The following DLGAP1 variants were observed in gnomAD, a reference collection of about 807,000 sequenced individuals.
The protein encoded by DLGAP1 is disks large-associated protein 1.
A neutral mutation model predicts 90.8 loss-of-function variants in DLGAP1; 11 were observed. The ratio of observed to expected loss-of-function variants is 0.12; its 90% CI spans 0.08 to 0.20. The LOEUF (loss-of-function observed/expected upper bound fraction) is 0.20. Among genes scored for constraint, DLGAP1 ranks in the 10% least tolerant of loss-of-function variants. The pLI, the probability that DLGAP1 is intolerant of heterozygous loss-of-function variation, is 1.00. For synonymous variants in DLGAP1, 558 were observed against 540.7 expected (o/e 1.03, Z -0.44); for missense variants, 1,050 against 1,333.8 (o/e 0.79, Z 3.31).
chr18:4,033,003 A>G (rs1190406484), intron 2 of DLGAP1, among the ~76,000 whole-genome samples: 1 of 152,212 alleles, frequency 6.6e-6, no homozygotes, highest in Non-Finnish European at 1.5e-5. Flanking sequence ...GAATATGAAT[A>G]TTGGATCAGA....
intron 7 of DLGAP1, among the ~76,000 whole-genome samples, chr18:3,589,668 C>T (rs1054956337): frequency 6.6e-6 from 1 of 152,090 alleles, no homozygotes; most frequent in African/African-American, 2.4e-5. Flanking sequence ...TTATTAAGTG[C>T]AGCTATTATC....
At chr18:4,357,715 C>T (rs947382895) in intron 1 of DLGAP1, among the ~76,000 whole-genome samples, 3 of 152,224 alleles carry the variant, frequency 2.0e-5, no homozygotes, top group Admixed American at 1.3e-4. Flanking sequence ...CAGCTGACAC[C>T]GTCTCACTGC....
chr18:4,308,714 A>G (rs1218949628), intron 1 of DLGAP1, among the ~76,000 whole-genome samples: 1 of 152,232 alleles, frequency 6.6e-6, no homozygotes, highest in Admixed American at 6.5e-5. Flanking sequence ...CAAGTAGGAA[A>G]GGGGAAGAAA....
intron 3 of DLGAP1, among the ~76,000 whole-genome samples, chr18:3,924,876 G>A (rs2072346320): frequency 6.6e-6 from 1 of 152,122 alleles, no homozygotes; most frequent in Non-Finnish European, 1.5e-5. Flanking sequence ...ATCTGTTCTT[G>A]AGTTGTAGAT....
At chr18:4,136,119 C>T (rs913312600) in intron 2 of DLGAP1, among the ~76,000 whole-genome samples, 2 of 151,802 alleles carry the variant, frequency 1.3e-5, no homozygotes, top group Non-Finnish European at 2.9e-5. Flanking sequence ...ATGCGACATA[C>T]CACATTTTCT....
intron 2 of DLGAP1, among the ~76,000 whole-genome samples, chr18:4,051,387 G>A (rs10853310): frequency 0.61 from 92,554 of 152,126 alleles, 29,330 homozygotes; most frequent in East Asian, 0.76. Flanking sequence ...GGCAGAAGGG[G>A]AAGCAAGCAT....
intron 1 of DLGAP1, among the ~76,000 whole-genome samples, chr18:4,212,062 A>C (rs1281132263): frequency 2.0e-5 from 3 of 152,166 alleles, no homozygotes; most frequent in Non-Finnish European, 4.4e-5. Flanking sequence ...CTTTTTGCAG[A>C]AACAGGTATT....
intron 1 of DLGAP1, among the ~76,000 whole-genome samples, chr18:4,223,684 C>G (rs1022867574): frequency 2.6e-5 from 4 of 152,176 alleles, no homozygotes; most frequent in Admixed American, 1.3e-4. Context: ...GAATGCTACT[C>G]TAAATGTTTA....
At chr18:4,032,342 A>G (rs911294381) in intron 2 of DLGAP1, among the ~76,000 whole-genome samples, 2 of 152,196 alleles carry the variant, frequency 1.3e-5, no homozygotes, top group Admixed American at 6.5e-5. Flanking sequence ...ACCTATTGAT[A>G]TTGTGAGAAA....
chr18:4,399,594 T>G (rs971713571), intron 1 of DLGAP1, among the ~76,000 whole-genome samples: 1 of 152,212 alleles, frequency 6.6e-6, no homozygotes, highest in African/African-American at 2.4e-5. Context: ...TTCTCCATCT[T>G]TCCTCAGAAA....
intron 1 of DLGAP1, among the ~76,000 whole-genome samples, chr18:4,358,720 G>T (rs2081574177): frequency 6.6e-6 from 1 of 152,224 alleles, no homozygotes; most frequent in South Asian, 2.1e-4. Flanking sequence ...CCTCTTGCCT[G>T]CAGAGAGCAG....
chr18:4,450,095 T>G (rs2083782187), intron 1 of DLGAP1, among the ~76,000 whole-genome samples: 1 of 152,220 alleles, frequency 6.6e-6, no homozygotes, highest in South Asian at 2.1e-4. Context: ...GCCTTGTCTT[T>G]TTGCTAGTAT....
chr18:3,995,623 C>T (rs191018984), intron 3 of DLGAP1: 17 of 152,010 alleles, frequency 1.1e-4, no homozygotes, highest in Admixed American at 9.2e-4. Flanking sequence ...ATTTATCGCA[C>T]CAGCTGTTGG....
chr18:3,741,542 ACAT>A (rs924433267), intron 6 of DLGAP1, among the ~76,000 whole-genome samples: 1 of 146,634 alleles, frequency 6.8e-6, no homozygotes, highest in African/African-American at 2.5e-5. Flanking sequence ...ACCATCACCA[ACAT>A]CACCACCATC....
chr18:4,337,988 C>T (rs1459252867), intron 1 of DLGAP1, among the ~76,000 whole-genome samples: 3 of 152,146 alleles, frequency 2.0e-5, no homozygotes, highest in African/African-American at 4.8e-5. Flanking sequence ...TGAAACACCA[C>T]ATATTTTAAA....
chr18:3,756,324 C>T (rs1317227386), intron 5 of DLGAP1, among the ~76,000 whole-genome samples: 2 of 152,092 alleles, frequency 1.3e-5, no homozygotes, highest in Non-Finnish European at 2.9e-5. Flanking sequence ...GCTGGGATTA[C>T]AGGTGTGAGC....
intron 1 of DLGAP1, among the ~76,000 whole-genome samples, chr18:4,282,721 C>A (rs530471674): frequency 1.3e-5 from 2 of 152,276 alleles, no homozygotes; most frequent in African/African-American, 2.4e-5. Context: ...ATAGAAGTAA[C>A]CTTTTCTGTG....
intron 1 of DLGAP1, among the ~76,000 whole-genome samples, chr18:4,288,609 G>A: frequency 6.6e-6 from 1 of 152,100 alleles, no homozygotes. Flanking sequence ...TCATGGGTGG[G>A]TCTGGCTGTG....
In DLGAP1 at chr18:4,230,092, C is replaced by A. The variant is rs192747882; in HGVS notation, c.-266-78805G>T. On this transcript the variant is annotated intron_variant, in intron 1 of 12. Transcript: ENST00000315677. ...AAATTAAAACTACAATGCTATAGCA[C>A]CCCAGTTAAAATGGCTTTTATCTAA... 1.6e-3 allele frequency among the ~76,000 whole-genome samples: 241 copies of A among 152,024 alleles called. 1 individual carries two copies. The highest frequency in any genetic ancestry group is 4.6e-3 in the African/African-American group (189 of 41,526).
Sources: gnomAD v4.1 joint callset for allele counts (sites outside exome capture counted in the v4.1 genomes callset) on GRCh38, gnomAD v4.1.1 for gene constraint, MANE v1.5 for transcripts, NCBI Gene and HGNC (gene_info 2026-07-23, HGNC 2026-07-21) for gene names.